DOCK10: variants seen among roughly 807,000 people sequenced by gnomAD.
DOCK10 encodes the protein dedicator of cytokinesis protein 10.
Under a neutral mutation model 280.1 loss-of-function variants are expected in DOCK10, and 145 were observed. The ratio of observed to expected loss-of-function variants is 0.52; its 90% confidence interval spans 0.45 to 0.59. The LOEUF is 0.59. Among genes scored for constraint, DOCK10 ranks in the 20% least tolerant of loss-of-function variants. DOCK10 has a pLI of 0.00. For synonymous variants in DOCK10, 915 were observed against 942.2 expected, an observed-to-expected ratio of 0.97 and a Z score of 0.53; for missense variants, 2,368 against 2,651.7, an observed-to-expected ratio of 0.89 and a Z score of 2.35.
At chr2:224,944,312 T>C (rs913763151) in intron 1 of DOCK10, among the ~76,000 whole-genome samples, 11 of 152,224 alleles carry the variant, frequency 7.2e-5, no homozygotes, top group African/African-American at 2.7e-4. Context: ...TGTAGTCCAG[T>C]GACTTCGACT....
chr2:224,770,077 GAACAGATCAGC>G lies in DOCK10; in HGVS notation c.6444+123_6444+133del. ...CACGAGGTGGTGTGCACGGGAGAGAGAACAGATCAGCAACATGGTGCTGATGCAGTGATTTC... is the reference window on the plus strand; with the variant it reads ...CACGAGGTGGTGTGCACGGGAGAGAGAACATGGTGCTGATGCAGTGATTTC... On this transcript the variant is annotated intron_variant, in intron 55 of 55. Transcript: ENST00000258390. The surrounding 1 kb of genome is among the most constrained non-coding windows in gnomAD (Gnocchi z 4.5). The G allele has an allele frequency of 9.5e-7, 1 of 1,053,610 alleles. No individual in the cohort carries two copies. The highest frequency in any genetic ancestry group is 1.3e-6 in the Non-Finnish European group (1 of 776,634). 65.3% of individuals were successfully genotyped at this position (1,053,610 alleles called of 1,614,324 possible). A position where few individuals can be genotyped will look rare whatever the true frequency, so the allele number is the denominator to read the frequency against.
chr2:224,919,058 G>A (rs1301628147), intron 2 of DOCK10, among the ~76,000 whole-genome samples: 2 of 145,618 alleles, frequency 1.4e-5, no homozygotes, highest in Admixed American at 6.9e-5. Flanking sequence ...TGGTCTGTGT[G>A]GTGTATGTGT....
intron 1 of DOCK10, among the ~76,000 whole-genome samples, chr2:225,023,545 A>C (rs916259705): frequency 1.3e-5 from 2 of 152,196 alleles, no homozygotes; most frequent in African/African-American, 2.4e-5. Flanking sequence ...AAAAATCAAA[A>C]AGTCTGACAA....
chr2:224,976,171 G>A (rs1705427072), intron 1 of DOCK10, among the ~76,000 whole-genome samples: 3 of 152,016 alleles, frequency 2.0e-5, no homozygotes, highest in African/African-American at 7.3e-5. Context: ...ACTCATAAGT[G>A]GGAGTTGAAC....
intron 4 of DOCK10, among the ~76,000 whole-genome samples, chr2:224,889,658 G>A (rs1699542516): frequency 6.6e-6 from 1 of 152,112 alleles, no homozygotes; most frequent in African/African-American, 2.4e-5. Flanking sequence ...TTTTGGTCAG[G>A]GTCAACTTTA....
chr2:224,859,730 AC>A (rs2125595702), intron 14 of DOCK10, among the ~76,000 whole-genome samples: 1 of 152,352 alleles, frequency 6.6e-6, no homozygotes, highest in South Asian at 2.1e-4. Flanking sequence ...ACACTGCGAA[AC>A]AAACTGCAAT....
At position 224,885,664 on chromosome 2, in the gene DOCK10, T is replaced by A; in HGVS notation, c.747+7A>T. On this transcript the variant is annotated splice_region_variant and intron_variant, in intron 7 of 55. Transcript: ENST00000258390. Reference sequence around the variant, plus strand: ...AATCCCAAGGAGGAAAAGGGATGTCTACTCACCTGCACCACTCCTGTACAG... The same window carrying A: ...AATCCCAAGGAGGAAAAGGGATGTCAACTCACCTGCACCACTCCTGTACAG... 2 of 1,588,272 alleles carry A rather than the reference T, an allele frequency of 1.3e-6. No individual in the cohort carries two copies. Among genetic ancestry groups the A allele is most frequent in the Non-Finnish European group, 1.7e-6 (2 of 1,169,366 alleles).
At chr2:224,813,547 C>T (rs1338225275) in intron 31 of DOCK10, among the ~76,000 whole-genome samples, 1 of 152,134 alleles carries the variant, frequency 6.6e-6, no homozygotes. Flanking sequence ...TACTAGCACC[C>T]GTGTATACAA....
chr2:224,889,419 T>C (rs1268458099), intron 4 of DOCK10, among the ~76,000 whole-genome samples: 1 of 134,820 alleles, frequency 7.4e-6, no homozygotes, highest in Non-Finnish European at 1.7e-5. Flanking sequence ...ATAAGAAGTG[T>C]TTTTTATTGT....
intron 1 of DOCK10, among the ~76,000 whole-genome samples, chr2:224,949,969 G>A (rs79597050): frequency 0.04 from 6,067 of 152,264 alleles, 395 homozygotes; most frequent in African/African-American, 0.14. Flanking sequence ...TTAAATAGGA[G>A]AGGAGAGATA....
chr2:224,804,161 G>A lies in DOCK10; in HGVS notation c.4219C>T (p.Leu1407Phe), dbSNP rs148299469. ...FVQSTQNNGT[L>F]KGSNPSCQTS... ...TGGCAGGAAGGATTGGATCCTTTGA[G>A]AGTTCCATTGTTCTGGGTGGACTGC... Residue 1407 changes from leucine (L) to phenylalanine (F), a missense_variant, in exon 39 of 56, where the codon CTC (leucine) becomes TTC (phenylalanine). By Grantham distance (22) the Leu-to-Phe change is conservative. Coordinates refer to ENST00000258390, the MANE Select transcript of DOCK10 (RefSeq NM_014689.3). 6.2e-7 allele frequency: 1 copy of A among 1,612,202 alleles called. No homozygotes were observed. Among genetic ancestry groups the A allele is most frequent in the African/African-American group, 1.3e-5 (1 of 74,894 alleles).
At chr2:224,852,105 C>T (rs1193331735) in intron 18 of DOCK10, among the ~76,000 whole-genome samples, 1 of 152,170 alleles carries the variant, frequency 6.6e-6, no homozygotes, top group Non-Finnish European at 1.5e-5. Context: ...AAAAAGGCAA[C>T]ATTTTCCACA....
At position 224,886,481 on chromosome 2, in the gene DOCK10, T is replaced by G. The variant is rs780948370; in HGVS notation, c.467A>C (p.His156Pro). 1.9e-6 allele frequency: 3 copies of G among 1,611,308 alleles called. No homozygotes were observed. The highest frequency in any genetic ancestry group is 2.5e-6 in the Non-Finnish European group (3 of 1,179,206). Residue 156 changes from histidine (H) to proline (P), a missense_variant, in exon 5 of 56, where the codon CAT becomes CCT. Around this residue, in one of 2 missense-constraint regions of DOCK10, gnomAD observed 1,209 missense variants for 1,250.9 expected, o/e 0.97. Coordinates refer to ENST00000258390, the MANE Select transcript of DOCK10 (RefSeq NM_014689.3). ...KLPSHSFEID[H>P]EDADKDEDTT... Reference sequence around the variant, plus strand: ...TACTTCATCCTTATCAGCATCTTCATGGTCAATCTCAAAGGAATGTGAAGG... The same window carrying G: ...TACTTCATCCTTATCAGCATCTTCAGGGTCAATCTCAAAGGAATGTGAAGG...
At chr2:224,921,918 G>A (rs1007756577) in intron 2 of DOCK10, among the ~76,000 whole-genome samples, 2 of 151,638 alleles carry the variant, frequency 1.3e-5, no homozygotes, top group South Asian at 2.1e-4. Context: ...TGACCAACAC[G>A]AAGAAACCCC....
intron 4 of DOCK10, among the ~76,000 whole-genome samples, chr2:224,892,726 G>T (rs1699771498): frequency 6.6e-6 from 1 of 152,220 alleles, no homozygotes. Context: ...GCGGGAGGGA[G>T]GCCTGTCCAA....
chr2:224,894,638 C>A (rs1351872515), intron 4 of DOCK10, among the ~76,000 whole-genome samples: 1 of 152,196 alleles, frequency 6.6e-6, no homozygotes, highest in African/African-American at 2.4e-5. Flanking sequence ...ACCTTCCCAA[C>A]ATGAAGTTGC....
At chr2:224,822,383 C>T (rs991807044) in intron 28 of DOCK10, among the ~76,000 whole-genome samples, 1 of 152,084 alleles carries the variant, frequency 6.6e-6, no homozygotes, top group African/African-American at 2.4e-5. Flanking sequence ...AGTAGCTACT[C>T]AATACTTTAC....
chr2:224,935,463 T>C (rs1239461427), intron 1 of DOCK10, among the ~76,000 whole-genome samples: 1 of 152,162 alleles, frequency 6.6e-6, no homozygotes, highest in Non-Finnish European at 1.5e-5. Context: ...AGTGTGAGTA[T>C]AGGTTTTCTA....
intron 53 of DOCK10, 23 bp downstream of exon 53, chr2:224,773,134 A>G (rs1160535370): frequency 6.4e-7 from 1 of 1,574,614 alleles, no homozygotes; most frequent in Non-Finnish European, 8.7e-7. Flanking sequence ...TGTGCATCTC[A>G]GCCCTGGGCA....
Sources: allele counts gnomAD v4.1 joint callset (sites outside exome capture counted in the v4.1 genomes callset), GRCh38; gene constraint gnomAD v4.1.1; regional missense constraint gnomAD v4.1.1; non-coding constraint Gnocchi (gnomAD v3.1); transcripts MANE v1.5; gene names NCBI Gene and HGNC (gene_info 2026-07-23, HGNC 2026-07-21).